The following APOBEC3D variants were observed in gnomAD, a reference collection of about 807,000 sequenced individuals.
APOBEC3D encodes DNA dC->dU-editing enzyme APOBEC-3D.
APOBEC3D carries 37 observed loss-of-function variants against 45.6 expected under a neutral mutation model. The observed-to-expected ratio is 0.81, with a 90% CI of 0.62 to 1.07. The LOEUF (loss-of-function observed/expected upper bound fraction) is 1.07. Ranked by LOEUF, APOBEC3D falls within the 50% of genes least tolerant of loss-of-function variation. The pLI, the probability that APOBEC3D is intolerant of heterozygous loss-of-function variation, is 0.00. For synonymous variants in APOBEC3D, 175 were observed against 180.7 expected, an observed-to-expected ratio of 0.97 and a Z score of 0.25; for missense variants, 496 against 495.3, an observed-to-expected ratio of 1.00 and a Z score of -0.01.
chr22:39,030,478 T>G (rs1328191163), intron 5 of APOBEC3D, among the ~76,000 whole-genome samples: 1 of 152,168 alleles, frequency 6.6e-6, no homozygotes, highest in African/African-American at 2.4e-5. Flanking sequence ...TGGAAGAAAT[T>G]TTAGTGTCTG....
chr22:39,032,535 C>T lies in APOBEC3D; in HGVS notation c.*219C>T. 7.7e-7 allele frequency: 1 copy of T among 1,295,980 alleles called. No individual in the cohort carries two copies. Among genetic ancestry groups the T allele is most frequent in the Admixed American group, 3.5e-5 (1 of 28,382 alleles). 80.3% of individuals were successfully genotyped at this position (1,295,980 alleles called of 1,614,324 possible). ...CCATCCACCTCCCCAGTCCTGTTCC[C>T]CCAGCCTGGGTGCCCCTAACTTGAC... is the stretch of plus-strand genomic sequence containing the variant. On this transcript the variant is annotated 3_prime_UTR_variant, in exon 7 of 7. Coordinates refer to ENST00000216099, the MANE Select transcript of APOBEC3D (RefSeq NM_152426.4).
At chr22:39,023,604 G>A (rs1186983710) in intron 2 of APOBEC3D, among the ~76,000 whole-genome samples, 3 of 151,728 alleles carry the variant, frequency 2.0e-5, no homozygotes, top group East Asian at 1.9e-4. Context: ...ACGCCACCGT[G>A]CCCAGCTAAT....
Position 39,029,357 on chromosome 22 carries a change from C to G in APOBEC3D, c.606-6C>G. ...CTGCACTGGGGTTTCTCTCTTGTGCCCTCAGAAACCCGATGGAGGCAATGT... is the reference window on the plus strand; with the variant it reads ...CTGCACTGGGGTTTCTCTCTTGTGCGCTCAGAAACCCGATGGAGGCAATGT... On this transcript the variant is annotated splice_region_variant and splice_polypyrimidine_tract_variant and intron_variant, in intron 4 of 6. Coordinates refer to ENST00000216099, the MANE Select transcript of APOBEC3D (RefSeq NM_152426.4). 6.2e-7 allele frequency: 1 copy of G among 1,613,998 alleles called. No individual in the cohort carries two copies.
At chr22:39,030,297 G>C (rs191663163) in intron 5 of APOBEC3D, among the ~76,000 whole-genome samples, 3 of 118,272 alleles carry the variant, frequency 2.5e-5, no homozygotes, top group African/African-American at 9.2e-5. Flanking sequence ...CCAACCCTGC[G>C]GCCCCCTCCT....
chr22:39,030,991 C>A (rs944436929), intron 5 of APOBEC3D, among the ~76,000 whole-genome samples: 1 of 152,142 alleles, frequency 6.6e-6, no homozygotes, highest in Non-Finnish European at 1.5e-5. Flanking sequence ...CATGGTGAAA[C>A]CCTGTCTCTA....
At position 39,029,419 on chromosome 22, in the gene APOBEC3D, T is replaced by G. The variant is rs1187416759; in HGVS notation, c.662T>G (p.Leu221Arg). 1.9e-6 allele frequency: 3 copies of G among 1,614,188 alleles called. No individual in the cohort carries two copies. The highest frequency in any genetic ancestry group is 1.3e-5 in the African/African-American group (1 of 75,040). Residue 221 changes from leucine (L) to arginine (R), a missense_variant, in exon 5 of 7, where the codon CTG becomes CGG. Transcript: ENST00000216099. ...TTCTACTTCCACTTTAAAAACCTAC[T>G]GAAAGCCTGTGGTCGGAACGAAAGC... ...HIFYFHFKNL[L>R]KACGRNESWL... is the part of the protein sequence containing the mutation.
intron 4 of APOBEC3D, among the ~76,000 whole-genome samples, chr22:39,026,446 G>A (rs1256684983): frequency 6.6e-6 from 1 of 152,240 alleles, no homozygotes. Context: ...CTGTGAGGAG[G>A]TGGGGTTGAG....
At chr22:39,028,001 T>A (rs1925849365) in intron 4 of APOBEC3D, among the ~76,000 whole-genome samples, 2 of 152,204 alleles carry the variant, frequency 1.3e-5, no homozygotes, top group African/African-American at 2.4e-5. Context: ...ATTGGAGCAA[T>A]CAGGCATTTT....
At chr22:39,029,576 A>G in intron 5 of APOBEC3D, 57 bp downstream of exon 5, 1 of 1,602,206 alleles carries the variant, frequency 6.2e-7, no homozygotes, top group Non-Finnish European at 8.5e-7. Context: ...GGGAACGCAG[A>G]AAACACAATA....
intron 4 of APOBEC3D, 40 bp from the exon 5 acceptor site, chr22:39,029,323 G>A (rs117814205): frequency 0.019 from 31,287 of 1,611,118 alleles, 357 homozygotes; most frequent in Non-Finnish European, 0.023. Context: ...CATCAGCTCC[G>A]AGGAATCTCT....
At chr22:39,023,450 T>C (rs1392110918) in intron 2 of APOBEC3D, among the ~76,000 whole-genome samples, 1 of 62,416 alleles carries the variant, frequency 1.6e-5, no homozygotes, top group African/African-American at 4.1e-5. Flanking sequence ...TCTTTCTTTC[T>C]TTTTTTTTTT....
In APOBEC3D at chr22:39,031,241, G is replaced by T. The variant is rs138618741; in HGVS notation, c.763-453G>T. Reference sequence around the variant, plus strand: ...AAACTCAATGAATAAAACGCCCTGGGGCCTACTATGCACCCAGAAAAATGA... The same window carrying T: ...AAACTCAATGAATAAAACGCCCTGGTGCCTACTATGCACCCAGAAAAATGA... On this transcript the variant is annotated intron_variant, in intron 5 of 6. Coordinates refer to ENST00000216099, the MANE Select transcript of APOBEC3D (RefSeq NM_152426.4). Among the ~76,000 whole-genome samples, 33 of 151,820 alleles carry T rather than the reference G, an allele frequency of 2.2e-4. No individual in the cohort carries two copies. In the East Asian group the frequency reaches 6.4e-3, roughly 29 times the overall value.
At chr22:39,022,310 C>T (rs1666529963) in intron 1 of APOBEC3D, among the ~76,000 whole-genome samples, 2 of 152,202 alleles carry the variant, frequency 1.3e-5, no homozygotes, top group African/African-American at 4.8e-5. Context: ...GCCTCTGACC[C>T]CTCCTCTGTA....
Position 39,022,990 on chromosome 22 carries a change from A to C in APOBEC3D, c.186A>C (p.Lys62Asn), listed in dbSNP as rs773356684. 6.2e-7 allele frequency: 1 copy of C among 1,603,056 alleles called. No homozygotes were observed. The highest frequency in any genetic ancestry group is 1.3e-5 in the African/African-American group (1 of 74,330). ...TGVFRGPVLPKRQSNHRQEVY... is the reference protein window; with the variant it reads ...TGVFRGPVLPNRQSNHRQEVY... ...TCTTTCGAGGCCCGGTACTACCCAA[A>C]CGTCAGTCGAATCACAGGCAGGAGG... The change falls in exon 2 of 7, where the codon AAA becomes AAC. Residue 62 changes from lysine (K) to asparagine (N), a missense_variant. Transcript: ENST00000216099.
At chr22:39,023,379 G>T (rs1405837647) in intron 2 of APOBEC3D, among the ~76,000 whole-genome samples, 1 of 151,542 alleles carries the variant, frequency 6.6e-6, no homozygotes, top group African/African-American at 2.4e-5. Flanking sequence ...GCCTCTGAAA[G>T]TTCTGGGATT....
intron 2 of APOBEC3D, among the ~76,000 whole-genome samples, chr22:39,024,377 G>A (rs969579637): frequency 1.3e-5 from 2 of 152,300 alleles, no homozygotes; most frequent in African/African-American, 4.8e-5. Context: ...TAGGGGCTGA[G>A]GATGCCTGGT....
chr22:39,026,211 G>T (rs944640753), intron 4 of APOBEC3D, among the ~76,000 whole-genome samples: 1 of 152,118 alleles, frequency 6.6e-6, no homozygotes, highest in Non-Finnish European at 1.5e-5. Flanking sequence ...TGGAGGGGTG[G>T]GTGGGGTTGT....
At chr22:39,028,771 TA>T (rs1925925758) in intron 4 of APOBEC3D, among the ~76,000 whole-genome samples, 1 of 152,060 alleles carries the variant, frequency 6.6e-6, no homozygotes, top group Non-Finnish European at 1.5e-5. Context: ...CCGTCTCTAC[TA>T]AAAATACAAA....
chr22:39,024,281 G>T (rs1925413146), intron 2 of APOBEC3D, among the ~76,000 whole-genome samples: 1 of 152,182 alleles, frequency 6.6e-6, no homozygotes, highest in Non-Finnish European at 1.5e-5. Context: ...TAGCGCCCTT[G>T]GCCAGTGCCC....
Sources: allele counts gnomAD v4.1 joint callset (sites outside exome capture counted in the v4.1 genomes callset), GRCh38; gene constraint gnomAD v4.1.1; transcripts MANE v1.5; gene names NCBI Gene and HGNC (gene_info 2026-07-23, HGNC 2026-07-21).